FER1L6: variants seen among roughly 807,000 people sequenced by gnomAD.
FER1L6 encodes fer-1 like family member 6.
Under a neutral mutation model 219.2 loss-of-function variants are expected in FER1L6, and 177 were observed. That is an observed-to-expected ratio of 0.81 (90% CI 0.71 to 0.91). FER1L6 has a LOEUF of 0.91. Among genes scored for constraint, FER1L6 ranks in the 40% least tolerant of loss-of-function variants. FER1L6 has a pLI of 0.00. For missense variants in FER1L6, 2,153 were observed against 2,259.9 expected (o/e 0.95, Z 0.96); for synonymous variants, 768 against 824.3 (o/e 0.93, Z 1.17).
chr8:124,116,671 C>G (rs1823262026), intron 39 of FER1L6, among the ~76,000 whole-genome samples: 1 of 152,240 alleles, frequency 6.6e-6, no homozygotes, highest in Non-Finnish European at 1.5e-5. Flanking sequence ...TCTATTCTCT[C>G]TTCCAAGCAT....
At chr8:123,957,600 T>A (rs1815079591) in intron 2 of FER1L6, among the ~76,000 whole-genome samples, 1 of 152,184 alleles carries the variant, frequency 6.6e-6, no homozygotes, top group South Asian at 2.1e-4. Flanking sequence ...AGGTGAGTGG[T>A]TTGCCCCAGG....
At chr8:123,932,829 A>ATTT (rs1813825958) in intron 1 of FER1L6, among the ~76,000 whole-genome samples, 2 of 152,272 alleles carry the variant, frequency 1.3e-5, no homozygotes, top group Non-Finnish European at 2.9e-5. Flanking sequence ...TGATGAAAAG[A>ATTT]GTATAAATTC....
intron 34 of FER1L6, among the ~76,000 whole-genome samples, chr8:124,093,707 TTTC>T (rs138855031): frequency 0.81 from 122,272 of 151,470 alleles, 49,598 homozygotes; most frequent in Non-Finnish European, 0.86. Flanking sequence ...TATTCATTGA[TTTC>T]TTGTTTGTCT....
At chr8:123,920,877 T>A (rs977917788) in intron 1 of FER1L6, among the ~76,000 whole-genome samples, 1 of 152,222 alleles carries the variant, frequency 6.6e-6, no homozygotes, top group Non-Finnish European at 1.5e-5. Context: ...ACCGTTCTAC[T>A]TTCTGTTTCT....
At chr8:123,876,443 C>A (rs1817005719) in intron 1 of FER1L6, among the ~76,000 whole-genome samples, 1 of 152,114 alleles carries the variant, frequency 6.6e-6, no homozygotes, top group African/African-American at 2.4e-5. Flanking sequence ...CACAGCTTCC[C>A]AAGTAGCCGG....
intron 22 of FER1L6, among the ~76,000 whole-genome samples, chr8:124,057,911 GTTAC>G (rs1302599893): frequency 6.6e-6 from 1 of 152,022 alleles, no homozygotes; most frequent in Non-Finnish European, 1.5e-5. Context: ...ATTAAGCATT[GTTAC>G]TTTAAAGTTC....
intron 1 of FER1L6, among the ~76,000 whole-genome samples, chr8:123,865,423 GC>G (rs1199420460): frequency 6.6e-6 from 1 of 150,842 alleles, no homozygotes; most frequent in African/African-American, 2.5e-5. Context: ...AGAGGTTACT[GC>G]TGTCTTTTTG....
intron 39 of FER1L6, among the ~76,000 whole-genome samples, chr8:124,106,328 C>CAAAAAAAAAA (rs71289636): frequency 4.7e-5 from 3 of 63,850 alleles, no homozygotes; most frequent in Admixed American, 2.9e-4. Context: ...GACTCTGTCT[C>CAAAAAAAAAA]AAAAAAAAAA....
At chr8:123,897,982 T>C (rs908024765) in intron 1 of FER1L6, among the ~76,000 whole-genome samples, 2 of 152,152 alleles carry the variant, frequency 1.3e-5, no homozygotes, top group Non-Finnish European at 2.9e-5. Flanking sequence ...AATTTAACTT[T>C]AGTTACAGAA....
chr8:124,085,083 A>G (rs1348110331), intron 33 of FER1L6, among the ~76,000 whole-genome samples: 1 of 152,116 alleles, frequency 6.6e-6, no homozygotes, highest in Non-Finnish European at 1.5e-5. Flanking sequence ...TATCATTAGT[A>G]GCCTCTAATA....
chr8:123,920,662 T>A (rs1457763949), intron 1 of FER1L6, among the ~76,000 whole-genome samples: 1 of 152,208 alleles, frequency 6.6e-6, no homozygotes, highest in Admixed American at 6.5e-5. Flanking sequence ...ACTCAGGGAT[T>A]TTATGGTCTG....
intron 12 of FER1L6, among the ~76,000 whole-genome samples, chr8:123,999,895 T>C (rs774784846): frequency 1.3e-5 from 2 of 152,108 alleles, no homozygotes; most frequent in Non-Finnish European, 2.9e-5. Flanking sequence ...CCAGCTTATG[T>C]CTCACTAGGG....
intron 1 of FER1L6, among the ~76,000 whole-genome samples, chr8:123,883,075 C>T (rs938129201): frequency 6.6e-6 from 1 of 152,060 alleles, no homozygotes; most frequent in East Asian, 1.9e-4. Context: ...AATTCACCAC[C>T]ACCACTACAA....
At chr8:124,054,217 T>C (rs970042820) in intron 22 of FER1L6, among the ~76,000 whole-genome samples, 1 of 152,202 alleles carries the variant, frequency 6.6e-6, no homozygotes, top group Admixed American at 6.5e-5. Flanking sequence ...AGAACACTAG[T>C]TGGTGTTACC....
At chr8:124,017,585 T>C in intron 15 of FER1L6, 43 bp from the exon 16 acceptor site, 1 of 1,445,796 alleles carries the variant, frequency 6.9e-7, no homozygotes, top group Non-Finnish European at 9.7e-7. Context: ...TATAAATGGA[T>C]TTTCACTAAG....
intron 11 of FER1L6, 58 bp downstream of exon 11, chr8:123,980,869 T>TGCCCCTGCCACAGGTTCC: frequency 1.4e-6 from 2 of 1,391,580 alleles, no homozygotes. Context: ...GAGCAGGGAC[T>TGCCCCTGCCACAGGTTCC]GCCCCTGCCA....
At chr8:123,905,645 C>G (rs148648156) in intron 1 of FER1L6, among the ~76,000 whole-genome samples, 141 of 152,272 alleles carry the variant, frequency 9.3e-4, no homozygotes, top group African/African-American at 3.2e-3. Context: ...TAGTCTTGAA[C>G]AAAGTACTTC....
At chr8:124,103,361 T>C (rs1822627433) in intron 39 of FER1L6, 52 bp downstream of exon 39, 1 of 1,563,246 alleles carries the variant, frequency 6.4e-7, no homozygotes. Flanking sequence ...GGGGGCATCA[T>C]GCTTTTCCAC....
chr8:123,868,551 T>C (rs752274291), intron 1 of FER1L6, among the ~76,000 whole-genome samples: 3 of 152,150 alleles, frequency 2.0e-5, no homozygotes, highest in Admixed American at 6.5e-5. Flanking sequence ...TTCCATGAAA[T>C]TGATTCCCAG....
Sources: gnomAD v4.1 joint callset for allele counts (sites outside exome capture counted in the v4.1 genomes callset) on GRCh38, gnomAD v4.1.1 for gene constraint, MANE v1.5 for transcripts, NCBI Gene and HGNC (gene_info 2026-07-23, HGNC 2026-07-21) for gene names.